TRPM3: variants seen among roughly 807,000 people sequenced by gnomAD.
TRPM3 encodes transient receptor potential cation channel subfamily M member 3, also known as long transient receptor potential channel 3.
TRPM3 carries 77 observed loss-of-function variants against 181.2 expected under a neutral mutation model. The observed-to-expected ratio is 0.42, with a 90% CI of 0.35 to 0.51. TRPM3 has a LOEUF of 0.51. Among genes scored for constraint, TRPM3 ranks in the 20% least tolerant of loss-of-function variants. The pLI, the probability that TRPM3 is intolerant of heterozygous loss-of-function variation, is 0.01. For missense variants in TRPM3, 1,759 were observed against 2,196.7 expected (o/e 0.80, Z 3.98); for synonymous variants, 745 against 796.4 (o/e 0.94, Z 1.09).
chr9:71,358,299 T>C (rs1305822731), intron 1 of TRPM3, among the ~76,000 whole-genome samples: 1 of 152,126 alleles, frequency 6.6e-6, no homozygotes, highest in Non-Finnish European at 1.5e-5. Context: ...ATTAGTAGGG[T>C]TTAGTGAGGC....
At chr9:71,120,401 G>A (rs2073362223) in intron 1 of TRPM3, among the ~76,000 whole-genome samples, 1 of 152,168 alleles carries the variant, frequency 6.6e-6, no homozygotes, top group Admixed American at 6.5e-5. Flanking sequence ...AGATCATGAA[G>A]GTGGATTAGT....
chr9:70,913,261 G>A (rs540670142), intron 1 of TRPM3, among the ~76,000 whole-genome samples: 4 of 152,088 alleles, frequency 2.6e-5, no homozygotes, highest in Admixed American at 6.5e-5. Context: ...AATTCTACCC[G>A]TACGCAGAGG....
intron 6 of TRPM3, among the ~76,000 whole-genome samples, chr9:70,795,134 G>A (rs2086680347): frequency 6.6e-6 from 1 of 152,128 alleles, no homozygotes. Context: ...TTTATACAAG[G>A]GACTTGAGCA....
intron 5 of TRPM3, among the ~76,000 whole-genome samples, chr9:70,832,629 G>A (rs1156316930): frequency 6.6e-6 from 1 of 152,192 alleles, no homozygotes; most frequent in Admixed American, 6.5e-5. Flanking sequence ...TTCCCAGGAA[G>A]GGACTGATTC....
chr9:71,052,346 G>A (rs1365354932), intron 1 of TRPM3, among the ~76,000 whole-genome samples: 1 of 152,130 alleles, frequency 6.6e-6, no homozygotes, highest in Non-Finnish European at 1.5e-5. Flanking sequence ...AACCCACGAA[G>A]GAAGAAATGT....
rs140524772 is a variant in TRPM3 at position 71,182,025 on chromosome 9, C to T, written c.183+264628G>A. Among the ~76,000 whole-genome samples the T allele has an allele frequency of 1.5e-4, 23 of 152,196 alleles. No homozygotes were observed. The East Asian group carries it at 3.9e-3, about 26-fold the overall frequency. On this transcript the variant is annotated intron_variant, in intron 1 of 24. Transcript: ENST00000357533. ...TAGGCATGTTAAATAATGGAAACCC[C>T]GGCCTCTACATTATTCATGCCCCAT...
chr9:70,880,396 G>A (rs2095966358), intron 1 of TRPM3, among the ~76,000 whole-genome samples: 1 of 152,056 alleles, frequency 6.6e-6, no homozygotes, highest in Non-Finnish European at 1.5e-5. Flanking sequence ...AATTTAGTCA[G>A]TGTGATTCAC....
At chr9:71,192,669 A>G (rs575976175) in intron 1 of TRPM3, among the ~76,000 whole-genome samples, 2 of 151,986 alleles carry the variant, frequency 1.3e-5, no homozygotes, top group African/African-American at 4.8e-5. Flanking sequence ...CTTATCAGAT[A>G]TATGGCTTGA....
At chr9:71,045,242 T>C (rs1282956185) in intron 1 of TRPM3, among the ~76,000 whole-genome samples, 11 of 151,778 alleles carry the variant, frequency 7.2e-5, no homozygotes, top group Admixed American at 6.6e-4. Flanking sequence ...GACTACAGGG[T>C]TTTATTTTTT....
At chr9:71,223,375 T>C (rs2080365377) in intron 1 of TRPM3, among the ~76,000 whole-genome samples, 1 of 152,162 alleles carries the variant, frequency 6.6e-6, no homozygotes, top group South Asian at 2.1e-4. Flanking sequence ...CATAAAAGCC[T>C]TGAGGCCCTG....
chr9:71,070,646 T>C lies in TRPM3; in HGVS notation c.177+50532A>G, dbSNP rs978862097. On this transcript the variant is annotated intron_variant, in intron 1 of 25. Coordinates refer to ENST00000677713, the MANE Select transcript of TRPM3 (RefSeq NM_001366145.2). Reference sequence around the variant, plus strand: ...ATGCAAATAAAAACGTATTCACTTTTTTTAAAAATGATGAGGTTTGGAGAG... The same window carrying C: ...ATGCAAATAAAAACGTATTCACTTTCTTTAAAAATGATGAGGTTTGGAGAG... Among the ~76,000 whole-genome samples the C allele has an allele frequency of 7.9e-5, 12 of 152,250 alleles. 1 individual carries two copies. The highest frequency in any genetic ancestry group is 2.9e-4 in the African/African-American group (12 of 41,466).
chr9:70,654,415 A>G lies in TRPM3; in HGVS notation c.1346-13755T>C, dbSNP rs150173009. On this transcript the variant is annotated intron_variant, in intron 9 of 25. Transcript: ENST00000677713. ...AAGTTATTTAAAAAAAGGCTTGTCC[A>G]GGAAATGCATACAAGGGCTGATCAC... Among the ~76,000 whole-genome samples, 492 of 152,200 alleles carry G rather than the reference A, an allele frequency of 3.2e-3. 4 individuals carry two copies. Among genetic ancestry groups the G allele is most frequent in the African/African-American group, 0.011 (464 of 41,518 alleles).
chr9:71,247,611 G>A (rs369779566), intron 1 of TRPM3, among the ~76,000 whole-genome samples: 1 of 150,644 alleles, frequency 6.6e-6, no homozygotes, highest in African/African-American at 2.5e-5. Context: ...AGGGAAGGAG[G>A]AGGAACTCAG....
chr9:71,026,665 A>G (rs535362781), intron 1 of TRPM3, among the ~76,000 whole-genome samples: 1 of 152,180 alleles, frequency 6.6e-6, no homozygotes, highest in Admixed American at 6.5e-5. Flanking sequence ...CTCGAAGCCC[A>G]CCAGCCCTGC....
chr9:70,853,581 A>G lies in TRPM3; in HGVS notation c.463-6990T>C, dbSNP rs150282367. Among the ~76,000 whole-genome samples the G allele has an allele frequency of 2.4e-3, 361 of 152,358 alleles. 4 individuals carry two copies. Among genetic ancestry groups the G allele is most frequent in the African/African-American group, 8.0e-3 (332 of 41,584 alleles). ...TACTGGAAGAATTAGTAAGGCCACAATAAATATGAAAATGGAGCAATTGAC... is the reference window on the plus strand; with the variant it reads ...TACTGGAAGAATTAGTAAGGCCACAGTAAATATGAAAATGGAGCAATTGAC... On this transcript the variant is annotated intron_variant, in intron 3 of 25. Transcript: ENST00000677713.
At chr9:71,287,232 A>G (rs13285637) in intron 1 of TRPM3, among the ~76,000 whole-genome samples, 6,983 of 151,040 alleles carry the variant, frequency 0.046, 182 homozygotes, top group South Asian at 0.12. Flanking sequence ...AATTTGAGAA[A>G]TACATTGTGT....
intron 1 of TRPM3, among the ~76,000 whole-genome samples, chr9:71,225,858 T>C (rs1287070702): frequency 2.0e-5 from 3 of 151,750 alleles, no homozygotes; most frequent in African/African-American, 2.4e-5. Context: ...GGTTTCACCA[T>C]GTCAGCCAGG....
At chr9:71,106,821 A>G (rs190895274) in intron 1 of TRPM3, among the ~76,000 whole-genome samples, 24 of 152,304 alleles carry the variant, frequency 1.6e-4, no homozygotes, top group African/African-American at 5.8e-4. Context: ...CCACAATGAG[A>G]CAGTTTGCAA....
At chr9:70,683,252 T>C (rs902516313) in intron 8 of TRPM3, among the ~76,000 whole-genome samples, 2 of 151,956 alleles carry the variant, frequency 1.3e-5, no homozygotes, top group African/African-American at 4.8e-5. Context: ...CAAGGTCTTT[T>C]TCTGTCACTC....
Sources: allele counts gnomAD v4.1 joint callset (sites outside exome capture counted in the v4.1 genomes callset), GRCh38; gene constraint gnomAD v4.1.1; transcripts MANE v1.5; gene names NCBI Gene and HGNC (gene_info 2026-07-23, HGNC 2026-07-21).